Variants in NRXN1 observed in about 807,000 individuals in gnomAD.
NRXN1 encodes neurexin-1.
NRXN1 carries 39 observed loss-of-function variants against 150.9 expected under a neutral mutation model. The observed-to-expected ratio is 0.26, with a 90% CI of 0.20 to 0.34. The LOEUF (loss-of-function observed/expected upper bound fraction) is 0.34. NRXN1 is among the 10% of genes least tolerant of loss of function. NRXN1 has a pLI of 1.00. For synonymous variants in NRXN1, 924 were observed against 757.0 expected (o/e 1.22, Z -3.62); for missense variants, 1,815 against 1,949.9 (o/e 0.93, Z 1.30).
At chr2:49,994,380 G>A (rs949408801) in intron 21 of NRXN1, among the ~76,000 whole-genome samples, 1 of 152,194 alleles carries the variant, frequency 6.6e-6, no homozygotes, top group Admixed American at 6.5e-5. Flanking sequence ...AATCCAGTCT[G>A]TTTTAGAGGT....
At chr2:50,191,787 T>C (rs2061461567) in intron 18 of NRXN1, among the ~76,000 whole-genome samples, 1 of 152,312 alleles carries the variant, frequency 6.6e-6, no homozygotes, top group East Asian at 1.9e-4. Context: ...TTGCATAGTA[T>C]TCCATGGCAT....
rs1452705080 is a variant in NRXN1 at position 50,347,127 on chromosome 2, C to G, written c.3365-110157G>C. On this transcript the variant is annotated intron_variant, in intron 17 of 22. Coordinates refer to ENST00000401669, the MANE Select transcript of NRXN1 (RefSeq NM_001330078.2). The surrounding 1 kb of genome is among the most constrained non-coding windows in gnomAD (Gnocchi z 4.9). ...GTCTTCTCGGGGTCCTGGAGTCCGC[C>G]GTGCCTAGCACCCCAAACAATCCGA... The G allele has an allele frequency of 1.8e-5, 25 of 1,384,310 alleles. No individual in the cohort carries two copies. Among genetic ancestry groups the G allele is most frequent in the East Asian group, 4.1e-5 (1 of 24,154 alleles). The allele number at this position is 1,384,310 out of a possible 1,614,324, so 85.8% of individuals were successfully genotyped here. A position where few individuals can be genotyped will look rare whatever the true frequency, so the allele number is the denominator to read the frequency against.
intron 2 of NRXN1, among the ~76,000 whole-genome samples, chr2:51,019,601 T>A (rs1669283002): frequency 1.3e-5 from 2 of 152,092 alleles, no homozygotes; most frequent in Admixed American, 1.3e-4. Flanking sequence ...GGTAATGCCT[T>A]TTCCAATATC....
chr2:50,732,468 C>A (rs764616908), intron 5 of NRXN1, among the ~76,000 whole-genome samples: 2 of 152,062 alleles, frequency 1.3e-5, no homozygotes. Context: ...CAAAGCAATG[C>A]GGTCTGTACT....
chr2:50,918,553 A>T (rs1235029811), intron 5 of NRXN1: 1 of 373,452 alleles, frequency 2.7e-6, no homozygotes, highest in Non-Finnish European at 4.8e-6. Context: ...TGAGCTATTA[A>T]CCAGCTATTA....
chr2:50,690,911 T>A (rs56247975), intron 5 of NRXN1, among the ~76,000 whole-genome samples: 39 of 152,326 alleles, frequency 2.6e-4, no homozygotes, highest in Non-Finnish European at 4.4e-4. Context: ...CTCAGTATTA[T>A]CCATGTGAAA....
At chr2:50,982,365 A>G (rs1438256228) in intron 2 of NRXN1, among the ~76,000 whole-genome samples, 1 of 152,138 alleles carries the variant, frequency 6.6e-6, no homozygotes, top group African/African-American at 2.4e-5. Flanking sequence ...CAAGTCAGGC[A>G]TTGACACTAT....
intron 5 of NRXN1, among the ~76,000 whole-genome samples, chr2:50,759,671 G>A (rs531166280): frequency 1.3e-4 from 20 of 151,898 alleles, no homozygotes; most frequent in Middle Eastern, 3.4e-3. Context: ...AAACTGTTAC[G>A]GTCTATTCTT....
At chr2:50,400,889 T>C (rs765848776) in intron 17 of NRXN1, among the ~76,000 whole-genome samples, 2 of 152,166 alleles carry the variant, frequency 1.3e-5, no homozygotes, top group African/African-American at 2.4e-5. Context: ...TGTGATGATA[T>C]TTCACACACC....
intron 12 of NRXN1, among the ~76,000 whole-genome samples, chr2:50,524,900 A>G (rs28654656): frequency 0.041 from 6,229 of 152,242 alleles, 420 homozygotes; most frequent in African/African-American, 0.14. Flanking sequence ...ACATAGCCTA[A>G]TGAGTTTGGA....
At chr2:50,330,286 A>C (rs577076087) in intron 17 of NRXN1, among the ~76,000 whole-genome samples, 5 of 152,138 alleles carry the variant, frequency 3.3e-5, no homozygotes, top group Non-Finnish European at 7.3e-5. Context: ...TCGTTCTCAA[A>C]CTTCTGTTTT....
intron 5 of NRXN1, among the ~76,000 whole-genome samples, chr2:50,779,653 A>G (rs2105505739): frequency 6.6e-6 from 1 of 152,232 alleles, no homozygotes; most frequent in Admixed American, 6.5e-5. Context: ...CTGTAGTCCC[A>G]GCTACTTGGG....
At chr2:50,902,168 A>T (rs1454293980) in intron 5 of NRXN1, among the ~76,000 whole-genome samples, 1 of 152,334 alleles carries the variant, frequency 6.6e-6, no homozygotes, top group Non-Finnish European at 1.5e-5. Flanking sequence ...AATATCATTA[A>T]TTCACTCATC....
At chr2:50,687,735 T>G (rs1435872660) in intron 5 of NRXN1, among the ~76,000 whole-genome samples, 1 of 152,194 alleles carries the variant, frequency 6.6e-6, no homozygotes, top group African/African-American at 2.4e-5. Context: ...GCGTTAGGGT[T>G]GAGGTTGTTG....
intron 17 of NRXN1, among the ~76,000 whole-genome samples, chr2:50,448,932 A>T (rs1292300431): frequency 6.6e-6 from 1 of 152,228 alleles, no homozygotes; most frequent in East Asian, 1.9e-4. Flanking sequence ...ACCTTCAGGA[A>T]CAGCCTATGG....
chr2:50,541,803 T>C (rs2093396188), intron 9 of NRXN1, among the ~76,000 whole-genome samples: 1 of 150,512 alleles, frequency 6.6e-6, no homozygotes, highest in African/African-American at 2.4e-5. Flanking sequence ...TCTCTCATCA[T>C]ATCATTTTAT....
chr2:50,051,725 T>A (rs371514453), intron 21 of NRXN1, among the ~76,000 whole-genome samples: 1 of 152,114 alleles, frequency 6.6e-6, no homozygotes, highest in Non-Finnish European at 1.5e-5. Flanking sequence ...AAGGATCACA[T>A]TGCAGGCAAA....
At chr2:50,647,676 G>A (rs1685015523) in intron 5 of NRXN1, among the ~76,000 whole-genome samples, 1 of 151,810 alleles carries the variant, frequency 6.6e-6, no homozygotes, top group South Asian at 2.1e-4. Flanking sequence ...GAAAGTCAGG[G>A]ACAAGAACAA....
chr2:50,444,725 A>T (rs116799981), intron 17 of NRXN1, among the ~76,000 whole-genome samples: 511 of 152,268 alleles, frequency 3.4e-3, no homozygotes, highest in African/African-American at 0.012. Flanking sequence ...TTCATGATGA[A>T]TAACATATCA....
Sources: gnomAD v4.1 joint callset for allele counts (sites outside exome capture counted in the v4.1 genomes callset) on GRCh38, gnomAD v4.1.1 for gene constraint, Gnocchi (gnomAD v3.1) non-coding constraint, MANE v1.5 for transcripts, NCBI Gene and HGNC (gene_info 2026-07-23, HGNC 2026-07-21) for gene names.